CHGB: variants seen among roughly 807,000 people sequenced by gnomAD.
CHGB encodes the protein chromogranin B, also known as secretogranin-1.
CHGB carries 46 observed loss-of-function variants against 69.9 expected under a neutral mutation model. The ratio of observed to expected loss-of-function variants is 0.66; its 90% CI spans 0.52 to 0.84. CHGB has a LOEUF of 0.84. Ranked by LOEUF, CHGB falls within the 40% of genes least tolerant of loss-of-function variation. The pLI is 0.00. For missense variants in CHGB, 796 were observed against 822.2 expected, an observed-to-expected ratio of 0.97 and a Z score of 0.39; for synonymous variants, 312 against 298.2, an observed-to-expected ratio of 1.05 and a Z score of -0.48.
intron 3 of CHGB, among the ~76,000 whole-genome samples, chr20:5,918,417 C>T (rs1245199836): frequency 6.6e-6 from 1 of 151,896 alleles, no homozygotes; most frequent in Non-Finnish European, 1.5e-5. Flanking sequence ...ACAAAAAAAA[C>T]ACCAAATAAA....
At position 5,925,018 on chromosome 20, in the gene CHGB, A is replaced by C. The variant is rs1555782003; in HGVS notation, c.2003A>C (p.Lys668Thr). Residue 668 changes from lysine (K) to threonine (T), a missense_variant, in exon 5 of 5, where the codon AAG becomes ACG. Physicochemically the swap from Lys to Thr is moderately conservative, Grantham distance 78 (BLOSUM62 -1). Coordinates refer to ENST00000378961, the MANE Select transcript of CHGB (RefSeq NM_001819.3). The stretch of plus-strand genomic sequence containing the variant: ...GCTGCAATGGATTTGGAACTACAGA[A>C]GATAGCTGAGAAATTCAGCCAAAGG... ...NLAAMDLELQ[K>T]IAEKFSQRG 6.2e-7 allele frequency: 1 copy of C among 1,613,608 alleles called. No individual in the cohort carries two copies. The highest frequency in any genetic ancestry group is 1.1e-5 in the South Asian group (1 of 91,028).
Position 5,923,300 on chromosome 20 carries a change from A to G in CHGB, c.1156A>G (p.Lys386Glu). 1 of 1,613,670 alleles carries G rather than the reference A, an allele frequency of 6.2e-7. No individual in the cohort carries two copies. The highest frequency in any genetic ancestry group is 1.3e-5 in the African/African-American group (1 of 75,052). Residue 386 changes from lysine (K) to glutamate (E), a missense_variant, in exon 4 of 5, where the codon AAG becomes GAG. Around this residue, in one of 3 missense-constraint regions of CHGB, gnomAD observed 518 missense variants for 506.3 expected, o/e 1.02. Transcript: ENST00000378961. ...QSEESWDEEDKRNYPSLELDK... is the reference protein window; with the variant it reads ...QSEESWDEEDERNYPSLELDK... ...TGAGGAGAGTTGGGATGAGGAGGACAAGAGAAACTACCCCAGCTTAGAGCT... is the reference window on the plus strand; with the variant it reads ...TGAGGAGAGTTGGGATGAGGAGGACGAGAGAAACTACCCCAGCTTAGAGCT...
intron 1 of CHGB, among the ~76,000 whole-genome samples, chr20:5,913,517 T>C (rs2122565963): frequency 6.6e-6 from 1 of 152,272 alleles, no homozygotes; most frequent in East Asian, 1.9e-4. Context: ...CAACCTTCTA[T>C]GGAAGCTATT....
chr20:5,916,181 A>T (rs951791684), intron 1 of CHGB, 145 bp from the exon 2 acceptor site: 6 of 650,186 alleles, frequency 9.2e-6, no homozygotes, highest in African/African-American at 9.1e-5. Context: ...TTTATACCGG[A>T]TCTAAAATAG....
At chr20:5,917,033 G>A in intron 3 of CHGB, 114 bp downstream of exon 3, 1 of 929,752 alleles carries the variant, frequency 1.1e-6, no homozygotes. Flanking sequence ...AATGCACTAG[G>A]AAGAGTATTG....
chr20:5,923,744 A>G lies in CHGB; in HGVS notation c.1600A>G (p.Ser534Gly). The stretch of plus-strand genomic sequence containing the variant: ...CTACGACCCTCTCCAGTGGAAGAGC[A>G]GCCATTTTGAAAGAAGAGACAACAT... ...PYYDPLQWKSSHFERRDNMND... is the reference protein window; with the variant it reads ...PYYDPLQWKSGHFERRDNMND... Residue 534 changes from serine (S) to glycine (G), a missense_variant, in exon 4 of 5, where the codon AGC (serine) becomes GGC (glycine). Coordinates refer to ENST00000378961, the MANE Select transcript of CHGB (RefSeq NM_001819.3). The G allele has an allele frequency of 6.2e-7, 1 of 1,614,238 alleles. No homozygotes were observed.
chr20:5,920,283 G>C (rs920071918), intron 3 of CHGB, among the ~76,000 whole-genome samples: 1 of 152,158 alleles, frequency 6.6e-6, no homozygotes, highest in Non-Finnish European at 1.5e-5. Context: ...ACAGTGACTC[G>C]GCCCCTGGAG....
rs557072613 is a variant in CHGB, at chr20:5,924,509, ACT to A, written c.1956+415_1956+416del. On this transcript the variant is annotated intron_variant, in intron 4 of 4. Coordinates refer to ENST00000378961, the MANE Select transcript of CHGB (RefSeq NM_001819.3). ...CCCCTTGGTCCTCTTATTGTTCATCACTCTCTCCCTGAGGCAGGGAGAATAGG... is the reference window on the plus strand; with the variant it reads ...CCCCTTGGTCCTCTTATTGTTCATCACTCTCCCTGAGGCAGGGAGAATAGG... 1.6e-4 allele frequency among the ~76,000 whole-genome samples: 24 copies of A among 151,664 alleles called. No homozygotes were observed. In the South Asian group the frequency reaches 4.8e-3, roughly 30 times the overall value.
chr20:5,918,309 G>A (rs1049598815), intron 3 of CHGB, among the ~76,000 whole-genome samples: 4 of 151,992 alleles, frequency 2.6e-5, no homozygotes, highest in Non-Finnish European at 5.9e-5. Context: ...TAGAACCTGG[G>A]AAGCAGAGGT....
At chr20:5,913,757 G>A (rs1273489429) in intron 1 of CHGB, among the ~76,000 whole-genome samples, 1 of 151,144 alleles carries the variant, frequency 6.6e-6, no homozygotes, top group Admixed American at 6.6e-5. Flanking sequence ...AGCCTCCCGA[G>A]TAGCTGGGAT....
chr20:5,923,083 G>A lies in CHGB; in HGVS notation c.939G>A (p.Glu313=), dbSNP rs936686627. 6.2e-7 allele frequency: 1 copy of A among 1,614,130 alleles called. No individual in the cohort carries two copies. The highest frequency in any genetic ancestry group is 1.1e-5 in the South Asian group (1 of 91,082). Residue 313 remains glutamate, a synonymous_variant, in exon 4 of 5, where the codon GAG becomes GAA. Transcript: ENST00000378961. ...GACACCCCCAGGAGGAATCTGAGGA[G>A]TCAAACGTCAGCATGGCCAGTTTAG... The part of the protein sequence containing the change: ...EKGHPQEESE[E]SNVSMASLGE...
chr20:5,911,700 G>A lies in CHGB; in HGVS notation c.49+18G>A. ...GCTGGCGGGTGAGTGGGCGCGGCGG[G>A]CCGGTCAGCACCGCGGACAGCGCCA... On this transcript the variant is annotated intron_variant, in intron 1 of 4. Coordinates refer to ENST00000378961, the MANE Select transcript of CHGB (RefSeq NM_001819.3). The A allele has an allele frequency of 6.9e-7, 1 of 1,448,556 alleles. No individual in the cohort carries two copies. Among genetic ancestry groups the A allele is most frequent in the Non-Finnish European group, 9.0e-7 (1 of 1,106,740 alleles). 89.7% of individuals were successfully genotyped at this position (1,448,556 alleles called of 1,614,324 possible).
In CHGB at chr20:5,911,578, G is replaced by A. The variant is rs1181183927; in HGVS notation, c.-56G>A. The A allele has an allele frequency of 1.3e-6, 2 of 1,507,792 alleles. No individual in the cohort carries two copies. Among genetic ancestry groups the A allele is most frequent in the East Asian group, 2.7e-5 (1 of 36,896 alleles). 93.4% of individuals were successfully genotyped at this position (1,507,792 alleles called of 1,614,324 possible). On this transcript the variant is annotated 5_prime_UTR_variant, in exon 1 of 5. Transcript: ENST00000378961. ...CCATCGCGCCTTCCTCCTGCGCCTCGCTTCTCCGGTCCAGCCGCCATCTTC... is the reference window on the plus strand; with the variant it reads ...CCATCGCGCCTTCCTCCTGCGCCTCACTTCTCCGGTCCAGCCGCCATCTTC...
In CHGB at chr20:5,923,560, C is replaced by T. The variant is rs1423865760; in HGVS notation, c.1416C>T (p.Leu472=). The T allele has an allele frequency of 1.2e-6, 2 of 1,614,048 alleles. No individual in the cohort carries two copies. The highest frequency in any genetic ancestry group is 1.7e-6 in the Non-Finnish European group (2 of 1,180,044). ...GAWKELDRNY[L]NYGEEGAPGK... is the part of the protein sequence containing the mutation. Reference sequence around the variant, plus strand: ...GGAAAGAGCTGGACAGAAATTATCTCAACTACGGTGAGGAAGGAGCCCCAG... The same window carrying T: ...GGAAAGAGCTGGACAGAAATTATCTTAACTACGGTGAGGAAGGAGCCCCAG... Residue 472 remains leucine (L), a synonymous_variant, in exon 4 of 5, where the codon CTC becomes CTT. Coordinates refer to ENST00000378961, the MANE Select transcript of CHGB (RefSeq NM_001819.3).
At chr20:5,924,247 T>C in intron 4 of CHGB, 147 bp downstream of exon 4, 1 of 1,201,558 alleles carries the variant, frequency 8.3e-7, no homozygotes. Flanking sequence ...GAGGCCACCT[T>C]GGGGGTCGGT....
Position 5,922,882 on chromosome 20 carries a change from G to A in CHGB, c.738G>A (p.Gln246=). The A allele has an allele frequency of 6.2e-7, 1 of 1,613,812 alleles. No individual in the cohort carries two copies. The change falls in exon 4 of 5, where the codon CAG becomes CAA. Residue 246 remains glutamine, a synonymous_variant. Coordinates refer to ENST00000378961, the MANE Select transcript of CHGB (RefSeq NM_001819.3). The part of the protein sequence containing the change: ...SQESGEETGS[Q]ENHPQESKGQ... ...AGAGTGGAGAGGAGACAGGGAGCCA[G>A]GAGAATCACCCCCAGGAGTCTAAAG...
At chr20:5,922,192 G>C in intron 3 of CHGB, 143 bp from the exon 4 acceptor site, 1 of 1,149,846 alleles carries the variant, frequency 8.7e-7, no homozygotes, top group Middle Eastern at 3.2e-4. Context: ...CTTTCAAAAG[G>C]AATCTGAGTA....
intron 1 of CHGB, chr20:5,915,988 C>T (rs960972734): frequency 2.1e-4 from 37 of 178,380 alleles, no homozygotes; most frequent in African/African-American, 8.7e-4. Context: ...GCTGGGATTA[C>T]AAGCATGAGC....
intron 1 of CHGB, chr20:5,915,832 C>G (rs138980571): frequency 0.033 from 5,038 of 152,832 alleles, 278 homozygotes; most frequent in African/African-American, 0.11. Flanking sequence ...AAGCAATTCT[C>G]CTGCCTCAGC....
Sources: allele counts gnomAD v4.1 joint callset (sites outside exome capture counted in the v4.1 genomes callset), GRCh38; gene constraint gnomAD v4.1.1; regional missense constraint gnomAD v4.1.1; transcripts MANE v1.5; gene names NCBI Gene and HGNC (gene_info 2026-07-23, HGNC 2026-07-21).